DNAH10: variants seen among roughly 807,000 people sequenced by gnomAD.
DNAH10 encodes dynein axonemal heavy chain 10.
In DNAH10, 348 loss-of-function variants were observed where a neutral mutation model predicts 506.6. The observed-to-expected ratio is 0.69, with a 90% CI of 0.63 to 0.75. DNAH10 has a LOEUF of 0.75. Ranked by LOEUF, DNAH10 falls within the 30% of genes least tolerant of loss-of-function variation. The probability of loss-of-function intolerance (pLI) is 0.00; values close to 1 mark genes in which losing one functional copy is unlikely to be tolerated. For synonymous variants in DNAH10, 2,059 were observed against 2,198.6 expected (o/e 0.94, Z 1.78); for missense variants, 5,179 against 5,787.1 (o/e 0.89, Z 3.41).
intron 30 of DNAH10, among the ~76,000 whole-genome samples, chr12:123,844,171 C>T (rs1162929014): frequency 6.6e-6 from 1 of 152,164 alleles, no homozygotes; most frequent in African/African-American, 2.4e-5. Flanking sequence ...CTAACAACCA[C>T]TTATAAAACC....
At chr12:123,874,208 C>T (rs1299313582) in intron 46 of DNAH10, among the ~76,000 whole-genome samples, 2 of 152,062 alleles carry the variant, frequency 1.3e-5, no homozygotes, top group African/African-American at 4.8e-5. Context: ...TTCATTGAAC[C>T]ATTTTTTTCT....
chr12:123,870,887 C>T (rs1395966442), intron 44 of DNAH10, among the ~76,000 whole-genome samples: 3 of 152,160 alleles, frequency 2.0e-5, no homozygotes, highest in African/African-American at 4.8e-5. Context: ...GTGCCATGGG[C>T]GTTTACCTAC....
At chr12:123,893,834 G>A (rs547027775) in intron 53 of DNAH10, among the ~76,000 whole-genome samples, 11 of 152,316 alleles carry the variant, frequency 7.2e-5, no homozygotes, top group African/African-American at 2.4e-4. Context: ...GGTCATCACA[G>A]CCCCGGGGAG....
Position 123,909,388 on chromosome 12 carries a change from C to T in DNAH10, c.9943C>T (p.Leu3315=), listed in dbSNP as rs1273633386. The T allele has an allele frequency of 6.2e-7, 1 of 1,610,714 alleles. No homozygotes were observed. The highest frequency in any genetic ancestry group is 1.1e-5 in the South Asian group (1 of 90,246). The change falls in exon 58 of 79, where the codon CTG becomes TTG. Residue 3315 remains leucine, a synonymous_variant. Transcript: ENST00000673944. This position sits in a 1 kb window ranked among gnomAD's most constrained non-coding sequence, Gnocchi z 5.4. ...GTCCGACCCGAATTTCCTGCGGTCT[C>T]TGATGGAGATTGATTTTGATTCGAT... ...VMSDPNFLRS[L]MEIDFDSITQ...
intron 53 of DNAH10, 46 bp from the exon 54 acceptor site, chr12:123,894,597 A>G (rs1953135573): frequency 6.4e-7 from 1 of 1,573,904 alleles, no homozygotes; most frequent in Non-Finnish European, 8.7e-7. Flanking sequence ...GTCTCGCCAC[A>G]TTGCCCAGGC....
chr12:123,920,565 A>G (rs1954679130), intron 65 of DNAH10, among the ~76,000 whole-genome samples: 1 of 152,240 alleles, frequency 6.6e-6, no homozygotes, highest in East Asian at 1.9e-4. Flanking sequence ...GAAGGATTCT[A>G]TCTCAAAACA....
chr12:123,883,815 A>G (rs895430657), intron 51 of DNAH10, among the ~76,000 whole-genome samples: 2 of 152,102 alleles, frequency 1.3e-5, no homozygotes, highest in Admixed American at 6.5e-5. Flanking sequence ...GTCCATAACA[A>G]TAGTGATTCT....
chr12:123,798,963 G>T (rs1958380158), intron 13 of DNAH10, among the ~76,000 whole-genome samples: 1 of 149,304 alleles, frequency 6.7e-6, no homozygotes, highest in African/African-American at 2.4e-5. Flanking sequence ...AAATTAGCTG[G>T]GTGTGGTGGC....
Position 123,928,376 on chromosome 12 carries a change from C to T in DNAH10, c.12106-11C>T, listed in dbSNP as rs373837161. 1 of 1,578,108 alleles carries T rather than the reference C, an allele frequency of 6.3e-7. No homozygotes were observed. The highest frequency in any genetic ancestry group is 8.6e-7 in the Non-Finnish European group (1 of 1,162,542). On this transcript the variant is annotated splice_polypyrimidine_tract_variant and intron_variant, in intron 69 of 78. Transcript: ENST00000673944. This position sits in a 1 kb window ranked among gnomAD's most constrained non-coding sequence, Gnocchi z 4.9. ...GCCAACCCCTCTCCTCTTCCCTCTC[C>T]CCCGGCGCAGGTGGCCCTGCAGCTG...
chr12:123,885,077 A>G (rs1952672364), intron 51 of DNAH10, among the ~76,000 whole-genome samples: 1 of 152,352 alleles, frequency 6.6e-6, no homozygotes, highest in East Asian at 1.9e-4. Context: ...TCAACTTACA[A>G]TGGGTTTATC....
intron 41 of DNAH10, among the ~76,000 whole-genome samples, chr12:123,866,329 C>T (rs1381393992): frequency 1.4e-5 from 2 of 144,220 alleles, no homozygotes; most frequent in Admixed American, 7.3e-5. Flanking sequence ...CTGCAAGCTC[C>T]GCCTCCCAGG....
rs142612403 is a variant in DNAH10, at chr12:123,892,299, G to A, written c.8996-934G>A. 3.9e-3 allele frequency among the ~76,000 whole-genome samples: 596 copies of A among 152,278 alleles called. 5 individuals carry two copies. The highest frequency in any genetic ancestry group is 0.012 in the African/African-American group (503 of 41,560). ...GGCAGAAGGTGAAGGGGGAGCAGGCGCGTCCCATGGCCAGAGTGGGAGCAA... is the reference window on the plus strand; with the variant it reads ...GGCAGAAGGTGAAGGGGGAGCAGGCACGTCCCATGGCCAGAGTGGGAGCAA... On this transcript the variant is annotated intron_variant, in intron 52 of 78. Coordinates refer to ENST00000673944, the MANE Select transcript of DNAH10 (RefSeq NM_001372106.1).
intron 24 of DNAH10, among the ~76,000 whole-genome samples, chr12:123,824,602 G>C (rs1294377474): frequency 6.6e-6 from 1 of 152,164 alleles, no homozygotes; most frequent in African/African-American, 2.4e-5. Context: ...GAGGCCAGGA[G>C]TGCAAAATCA....
intron 3 of DNAH10, among the ~76,000 whole-genome samples, chr12:123,772,135 C>T (rs1166263701): frequency 1.3e-5 from 2 of 152,216 alleles, no homozygotes; most frequent in Admixed American, 1.3e-4. Context: ...ATCAGTCACA[C>T]AGGCATGGAG....
chr12:123,875,077 A>G (rs955909218), intron 46 of DNAH10, among the ~76,000 whole-genome samples, 154 bp from the exon 47 acceptor site: 1 of 152,236 alleles, frequency 6.6e-6, no homozygotes, highest in Admixed American at 6.5e-5. Context: ...GGATATATAC[A>G]GTTGCAACCT....
At chr12:123,778,076 G>A (rs1315633909) in intron 5 of DNAH10, among the ~76,000 whole-genome samples, 1 of 152,022 alleles carries the variant, frequency 6.6e-6, no homozygotes, top group Non-Finnish European at 1.5e-5. Flanking sequence ...GGCTGTGGGT[G>A]TCTGTAGTCC....
In DNAH10 at chr12:123,853,367, C is replaced by T. The variant is rs1400481195; in HGVS notation, c.6438+15C>T. ...ACCTTAGGGAGGTAGGGGCCACGTG[C>T]TGGAACATTCTCTGGTTTCAGCTGC... is the stretch of plus-strand genomic sequence containing the variant. On this transcript the variant is annotated intron_variant, in intron 36 of 78. Coordinates refer to ENST00000673944, the MANE Select transcript of DNAH10 (RefSeq NM_001372106.1). This position sits in a 1 kb window ranked among gnomAD's most constrained non-coding sequence, Gnocchi z 4.7. The T allele has an allele frequency of 3.7e-6, 6 of 1,605,546 alleles. No individual in the cohort carries two copies. The highest frequency in any genetic ancestry group is 5.1e-6 in the Non-Finnish European group (6 of 1,176,186).
At chr12:123,835,698 C>A (rs1160134012) in intron 28 of DNAH10, among the ~76,000 whole-genome samples, 170 bp downstream of exon 28, 1 of 152,146 alleles carries the variant, frequency 6.6e-6, no homozygotes, top group Non-Finnish European at 1.5e-5. Context: ...GATCGTGGCT[C>A]CCTGTAGCCT....
Position 123,785,949 on chromosome 12 carries a change from G to A in DNAH10, c.1421+13G>A, listed in dbSNP as rs375477242. The A allele has an allele frequency of 1.4e-5, 23 of 1,598,324 alleles. No individual in the cohort carries two copies. Among genetic ancestry groups the A allele is most frequent in the Non-Finnish European group, 1.8e-5 (21 of 1,168,096 alleles). ...GGACTTTGTTCAAGTAAGAAGCCATGGCGTTCATTTTTTTGTTTTGTTTTG... is the reference window on the plus strand; with the variant it reads ...GGACTTTGTTCAAGTAAGAAGCCATAGCGTTCATTTTTTTGTTTTGTTTTG... On this transcript the variant is annotated intron_variant, in intron 9 of 78. Coordinates refer to ENST00000673944, the MANE Select transcript of DNAH10 (RefSeq NM_001372106.1). The surrounding 1 kb of genome is among the most constrained non-coding windows in gnomAD (Gnocchi z 4.1).
Sources: allele counts gnomAD v4.1 joint callset (sites outside exome capture counted in the v4.1 genomes callset), GRCh38; gene constraint gnomAD v4.1.1; non-coding constraint Gnocchi (gnomAD v3.1); transcripts MANE v1.5; gene names NCBI Gene and HGNC (gene_info 2026-07-23, HGNC 2026-07-21).